The following IL19 variants were observed in gnomAD, a reference collection of about 807,000 sequenced individuals.
The protein encoded by IL19 is interleukin-19.
Under a neutral mutation model 19.5 loss-of-function variants are expected in IL19, and 15 were observed. That is an observed-to-expected ratio of 0.77 (90% CI 0.52 to 1.19). The LOEUF is 1.19. Among genes scored for constraint, IL19 ranks in the 50% most tolerant of loss-of-function variants. The pLI, the probability that IL19 is intolerant of heterozygous loss-of-function variation, is 0.00. For synonymous variants in IL19, 78 were observed against 78.3 expected, an observed-to-expected ratio of 1.00 and a Z score of 0.02; for missense variants, 199 against 213.1, an observed-to-expected ratio of 0.93 and a Z score of 0.41.
chr1:206,823,838 A>G (rs1676358062), intron 2 of IL19, among the ~76,000 whole-genome samples: 1 of 152,198 alleles, frequency 6.6e-6, no homozygotes, highest in South Asian at 2.1e-4. Flanking sequence ...AAGGCTTCTC[A>G]GCCTTCCAAG....
intron 1 of IL19, among the ~76,000 whole-genome samples, chr1:206,792,076 C>T (rs1675421196): frequency 6.6e-6 from 1 of 152,190 alleles, no homozygotes; most frequent in African/African-American, 2.4e-5. Flanking sequence ...GGAATTGCCC[C>T]ATCCTGGTAA....
At chr1:206,830,952 T>C (rs1184188136) in intron 2 of IL19, among the ~76,000 whole-genome samples, 2 of 152,212 alleles carry the variant, frequency 1.3e-5, no homozygotes, top group African/African-American at 4.8e-5. Context: ...ATAGGTTCTT[T>C]CTCAAATCTA....
At chr1:206,780,261 G>A (rs544109174) in intron 1 of IL19, among the ~76,000 whole-genome samples, 4 of 152,274 alleles carry the variant, frequency 2.6e-5, no homozygotes, top group East Asian at 1.9e-4. Flanking sequence ...TGACCACTTC[G>A]AGGGCAGGGC....
At chr1:206,814,403 G>A (rs1471136553) in intron 2 of IL19, among the ~76,000 whole-genome samples, 1 of 150,470 alleles carries the variant, frequency 6.6e-6, no homozygotes, top group African/African-American at 2.5e-5. Flanking sequence ...GAATCAGAAT[G>A]CTTTGGGCCT....
chr1:206,810,278 G>T (rs1675969035), intron 2 of IL19, among the ~76,000 whole-genome samples: 4 of 152,156 alleles, frequency 2.6e-5, no homozygotes, highest in Admixed American at 2.6e-4. Context: ...CTTGTAACTG[G>T]AAGTGGCTCT....
chr1:206,793,494 C>T (rs191372850), intron 1 of IL19, among the ~76,000 whole-genome samples: 140 of 152,304 alleles, frequency 9.2e-4, no homozygotes, highest in African/African-American at 3.3e-3. Flanking sequence ...TCCGATTCCC[C>T]CAGCCGGCCT....
At position 206,772,378 on chromosome 1, in the gene IL19, G is replaced by A. The variant is rs141219090; in HGVS notation, c.-149+1300G>A. The A allele has an allele frequency of 6.5e-5, 105 of 1,614,166 alleles. No homozygotes were observed. In the African/African-American group the frequency reaches 1.2e-3, roughly 18 times the overall value. On this transcript the variant is annotated intron_variant, in intron 1 of 6. Coordinates refer to ENST00000659997, the MANE Select transcript of IL19 (RefSeq NM_153758.5). ...TTCTCAGACTGGGTGCCCTGGCCTG[G>A]GCTGGCCCTCACCCCAGTCAGGAGG...
intron 2 of IL19, among the ~76,000 whole-genome samples, chr1:206,800,115 G>T (rs1675642972): frequency 6.6e-6 from 1 of 152,114 alleles, no homozygotes; most frequent in Non-Finnish European, 1.5e-5. Context: ...AATTGTCCAG[G>T]CTTGATTAAA....
At chr1:206,829,734 T>C (rs969919213) in intron 2 of IL19, among the ~76,000 whole-genome samples, 4 of 152,034 alleles carry the variant, frequency 2.6e-5, no homozygotes, top group East Asian at 1.9e-4. Context: ...GAGGCATCAG[T>C]TGGGCTCTTT....
chr1:206,797,972 C>T (rs566731916), intron 1 of IL19, among the ~76,000 whole-genome samples: 9 of 152,198 alleles, frequency 5.9e-5, no homozygotes, highest in African/African-American at 2.2e-4. Context: ...GTGGCAGAGC[C>T]GTGACTCACA....
intron 2 of IL19, among the ~76,000 whole-genome samples, chr1:206,813,017 G>A (rs1206511402): frequency 6.6e-6 from 1 of 152,182 alleles, no homozygotes; most frequent in South Asian, 2.1e-4. Context: ...TTTATATGCT[G>A]AATAGTTGCA....
At chr1:206,821,554 C>A (rs1266342869) in intron 2 of IL19, among the ~76,000 whole-genome samples, 2 of 152,182 alleles carry the variant, frequency 1.3e-5, no homozygotes, top group Admixed American at 1.3e-4. Context: ...GGGAGGAATC[C>A]TCTGGAAGAG....
rs556138484 is a variant in IL19 at position 206,835,896 on chromosome 1, C to G, written c.-2-765C>G. 3.3e-5 allele frequency among the ~76,000 whole-genome samples: 5 copies of G among 152,370 alleles called. 1 individual carries two copies. The South Asian group carries it at 1.0e-3, about 32-fold the overall frequency. On this transcript the variant is annotated intron_variant, in intron 2 of 6. Transcript: ENST00000659997. ...TTAAATGAAGAGGCAGCAAGAAAGA[C>G]AGAGGCAAGAAGGGTAAGAGAATGA...
intron 1 of IL19, among the ~76,000 whole-genome samples, chr1:206,774,637 C>T (rs1186113161): frequency 6.6e-6 from 1 of 152,212 alleles, no homozygotes; most frequent in South Asian, 2.1e-4. Context: ...AGGAAACCTG[C>T]AACCCTACGT....
chr1:206,837,812 A>T (rs780089654), intron 4 of IL19, among the ~76,000 whole-genome samples: 5 of 152,176 alleles, frequency 3.3e-5, no homozygotes, highest in Non-Finnish European at 5.9e-5. Context: ...TGATTGTGTC[A>T]ATGCACTCCA....
chr1:206,808,255 C>G (rs1201232099), intron 2 of IL19, among the ~76,000 whole-genome samples: 4 of 152,206 alleles, frequency 2.6e-5, no homozygotes, highest in Non-Finnish European at 5.9e-5. Flanking sequence ...CACTTGAACC[C>G]TGAAGGCGGA....
intron 1 of IL19, among the ~76,000 whole-genome samples, chr1:206,798,647 A>G (rs1443031480): frequency 6.6e-6 from 1 of 151,502 alleles, no homozygotes; most frequent in Non-Finnish European, 1.5e-5. Context: ...CAAATGTCAG[A>G]GTCCCACAGC....
intron 1 of IL19, among the ~76,000 whole-genome samples, chr1:206,782,164 T>C (rs1456638064): frequency 1.3e-5 from 2 of 151,926 alleles, no homozygotes; most frequent in Admixed American, 6.6e-5. Context: ...AACCCTTACA[T>C]GTTAACATGG....
chr1:206,797,353 T>C (rs913231839), intron 1 of IL19, among the ~76,000 whole-genome samples: 8 of 152,044 alleles, frequency 5.3e-5, no homozygotes, highest in Non-Finnish European at 8.8e-5. Context: ...TCGTACATCC[T>C]CCTAAGCAGA....
Sources: allele counts gnomAD v4.1 joint callset (sites outside exome capture counted in the v4.1 genomes callset), GRCh38; gene constraint gnomAD v4.1.1; transcripts MANE v1.5; gene names NCBI Gene and HGNC (gene_info 2026-07-23, HGNC 2026-07-21).